PTPRN2: variants seen among roughly 807,000 people sequenced by gnomAD.
PTPRN2 encodes protein tyrosine phosphatase receptor type N2, also known as receptor-type tyrosine-protein phosphatase N2.
In PTPRN2, 74 loss-of-function variants were observed where a neutral mutation model predicts 118.8. The ratio of observed to expected loss-of-function variants is 0.62; its 90% CI spans 0.52 to 0.76. The LOEUF is 0.76. Among genes scored for constraint, PTPRN2 ranks in the 30% least tolerant of loss-of-function variants. The pLI is 0.00. For synonymous variants in PTPRN2, 641 were observed against 608.0 expected (o/e 1.05, Z -0.80); for missense variants, 1,481 against 1,394.4 (o/e 1.06, Z -0.99).
chr7:158,188,356 G>A (rs1461065210), intron 5 of PTPRN2, among the ~76,000 whole-genome samples: 1 of 29,106 alleles, frequency 3.4e-5, no homozygotes, highest in African/African-American at 1.3e-4. Context: ...CGCCACGCTC[G>A]CCGCCTGATG....
rs191920675 is a variant in PTPRN2, at chr7:158,156,731, T to C, written c.910+10200A>G. Among the ~76,000 whole-genome samples the C allele has an allele frequency of 3.7e-4, 56 of 152,306 alleles. No homozygotes were observed. In the Middle Eastern group the frequency reaches 0.014, roughly 37 times the overall value. On this transcript the variant is annotated intron_variant, in intron 6 of 22. Transcript: ENST00000389418. Reference sequence around the variant, plus strand: ...GTGGGAAGGGGAAAGGCTCCCCCAGTGCCTTCCCTACACCTGCCCTGTGCC... The same window carrying C: ...GTGGGAAGGGGAAAGGCTCCCCCAGCGCCTTCCCTACACCTGCCCTGTGCC...
intron 12 of PTPRN2, among the ~76,000 whole-genome samples, chr7:157,878,773 C>A (rs1295117675): frequency 4.4e-5 from 5 of 113,468 alleles, no homozygotes; most frequent in Admixed American, 9.1e-5. Context: ...TGCACCCACA[C>A]TTACTCACCG....
chr7:157,999,450 C>T (rs993961790), intron 11 of PTPRN2, among the ~76,000 whole-genome samples: 1 of 152,196 alleles, frequency 6.6e-6, no homozygotes, highest in Non-Finnish European at 1.5e-5. Context: ...CCAATAAAGA[C>T]CCGGCTGAAG....
chr7:157,767,313 C>A (rs938851484), intron 12 of PTPRN2, among the ~76,000 whole-genome samples: 3 of 152,208 alleles, frequency 2.0e-5, no homozygotes, highest in Non-Finnish European at 4.4e-5. Flanking sequence ...AGCTTCTGAA[C>A]AAGAAGGAGG....
chr7:157,833,114 C>T (rs185076315), intron 12 of PTPRN2, among the ~76,000 whole-genome samples: 1 of 148,858 alleles, frequency 6.7e-6, no homozygotes, highest in Non-Finnish European at 1.5e-5. Context: ...TGTCCAGGAG[C>T]GAGATGTGGC....
Position 157,944,435 on chromosome 7 carries a change from T to C in PTPRN2, c.1724-45698A>G, listed in dbSNP as rs1017071265. ...TAATGTGTTAAGTGGCACAAATATGTGTTTATCGAGAGAAACCTAAGTTTG... is the reference window on the plus strand; with the variant it reads ...TAATGTGTTAAGTGGCACAAATATGCGTTTATCGAGAGAAACCTAAGTTTG... On this transcript the variant is annotated intron_variant, in intron 11 of 22. Transcript: ENST00000389418. This position sits in a 1 kb window ranked among gnomAD's most constrained non-coding sequence, Gnocchi z 4.3. Among the ~76,000 whole-genome samples, 1 of 152,230 alleles carries C rather than the reference T, an allele frequency of 6.6e-6. No individual in the cohort carries two copies. Among genetic ancestry groups the C allele is most frequent in the Non-Finnish European group, 1.5e-5 (1 of 68,042 alleles).
intron 11 of PTPRN2, among the ~76,000 whole-genome samples, chr7:158,033,966 C>A (rs1421782540): frequency 6.6e-6 from 1 of 151,356 alleles, no homozygotes; most frequent in Middle Eastern, 3.2e-3. Flanking sequence ...TGGCTGGCTG[C>A]ACACTGAGAC....
At chr7:157,557,265 ACT>A (rs1798946992) in intron 21 of PTPRN2, among the ~76,000 whole-genome samples, 1 of 151,180 alleles carries the variant, frequency 6.6e-6, no homozygotes, top group Non-Finnish European at 1.5e-5. Flanking sequence ...ACCACACAAC[ACT>A]CACATCCTAC....
chr7:157,812,621 G>T (rs1046175308), intron 12 of PTPRN2, among the ~76,000 whole-genome samples: 1 of 152,196 alleles, frequency 6.6e-6, no homozygotes, highest in Non-Finnish European at 1.5e-5. Context: ...AAAGCTGTAA[G>T]CGAGAGAGAT....
At chr7:158,435,147 C>G (rs1187045598) in intron 2 of PTPRN2, among the ~76,000 whole-genome samples, 1 of 152,186 alleles carries the variant, frequency 6.6e-6, no homozygotes, top group Non-Finnish European at 1.5e-5. Context: ...AAACAATCAA[C>G]AGTGAAAAGG....
intron 3 of PTPRN2, among the ~76,000 whole-genome samples, chr7:158,312,224 ACACC>A (rs1801848192): frequency 4.8e-5 from 1 of 20,882 alleles, no homozygotes; most frequent in Non-Finnish European, 1.4e-4. Context: ...GTGCTCACAG[ACACC>A]CACACACATG....
intron 11 of PTPRN2, among the ~76,000 whole-genome samples, chr7:158,009,434 C>A (rs1805886278): frequency 6.6e-6 from 1 of 151,924 alleles, no homozygotes; most frequent in Non-Finnish European, 1.5e-5. Context: ...GCAAATGAAG[C>A]CGATTCAGCA....
At chr7:157,726,194 T>C (rs13311781) in intron 12 of PTPRN2, among the ~76,000 whole-genome samples, 95 of 54,144 alleles carry the variant, frequency 1.8e-3, no homozygotes, top group Admixed American at 3.0e-3. Context: ...TGAGCCAGAC[T>C]CTCGCCTCCC....
intron 11 of PTPRN2, among the ~76,000 whole-genome samples, chr7:158,057,935 C>A (rs1247313883): frequency 6.6e-6 from 1 of 152,212 alleles, no homozygotes; most frequent in East Asian, 1.9e-4. Flanking sequence ...TTGTTTCCTG[C>A]TAATCTGTTT....
At chr7:157,842,001 G>C (rs1808457921) in intron 12 of PTPRN2, among the ~76,000 whole-genome samples, 1 of 152,060 alleles carries the variant, frequency 6.6e-6, no homozygotes, top group Non-Finnish European at 1.5e-5. Context: ...CATCAAAATT[G>C]GAACTTTCTC....
At chr7:158,476,606 G>A (rs148428376) in intron 2 of PTPRN2, among the ~76,000 whole-genome samples, 3 of 152,376 alleles carry the variant, frequency 2.0e-5, no homozygotes, top group South Asian at 2.1e-4. Flanking sequence ...TGTCTGTGCC[G>A]CCAAGGGGCC....
intron 11 of PTPRN2, among the ~76,000 whole-genome samples, chr7:157,982,165 TGA>T (rs1379530027): frequency 3.4e-5 from 3 of 88,442 alleles, no homozygotes; most frequent in Non-Finnish European, 4.9e-5. Context: ...GTCACAGAGA[TGA>T]GGAGGGGAAT....
chr7:157,797,116 G>C (rs1002572720), intron 12 of PTPRN2, among the ~76,000 whole-genome samples: 1 of 152,168 alleles, frequency 6.6e-6, no homozygotes, highest in Non-Finnish European at 1.5e-5. Context: ...CCCTCAACAC[G>C]GCCCACGGCT....
intron 11 of PTPRN2, among the ~76,000 whole-genome samples, chr7:157,930,046 C>T (rs1563248466): frequency 6.6e-6 from 1 of 152,148 alleles, no homozygotes; most frequent in Non-Finnish European, 1.5e-5. Flanking sequence ...AATAATCATG[C>T]CATCGTGCAC....
Sources: allele counts gnomAD v4.1 joint callset (sites outside exome capture counted in the v4.1 genomes callset), GRCh38; gene constraint gnomAD v4.1.1; non-coding constraint Gnocchi (gnomAD v3.1); transcripts MANE v1.5; gene names NCBI Gene and HGNC (gene_info 2026-07-23, HGNC 2026-07-21).